TAF12: variants seen among roughly 807,000 people sequenced by gnomAD.
The protein encoded by TAF12 is transcription initiation factor TFIID subunit 12.
A neutral mutation model predicts 20.8 loss-of-function variants in TAF12; 3 were observed. That is an observed-to-expected ratio of 0.14 (90% confidence interval 0.07 to 0.37). The LOEUF is 0.37. TAF12 is among the 10% of genes least tolerant of loss of function. The pLI is 1.00. For synonymous variants in TAF12, 69 were observed against 70.2 expected (o/e 0.98, Z 0.09); for missense variants, 131 against 197.9 (o/e 0.66, Z 2.03).
At chr1:28,615,875 A>G (rs1235953297) in intron 3 of TAF12, among the ~76,000 whole-genome samples, 1 of 152,134 alleles carries the variant, frequency 6.6e-6, no homozygotes, top group Non-Finnish European at 1.5e-5. Flanking sequence ...GTGGTCTGCT[A>G]GAGTGAACCG....
At chr1:28,643,668 G>C (rs965685881), upstream of TAF12, among the ~76,000 whole-genome samples, 1 of 152,220 alleles carries the variant, frequency 6.6e-6, no homozygotes, top group African/African-American at 2.4e-5. Context: ...GCTAATAAGT[G>C]CAGAGCCTCA....
chr1:28,614,870 C>T (rs1219492198), intron 3 of TAF12, among the ~76,000 whole-genome samples: 2 of 152,052 alleles, frequency 1.3e-5, no homozygotes, highest in Non-Finnish European at 2.9e-5. Flanking sequence ...TTCGGGAGGC[C>T]GAGGCAGATG....
chr1:28,644,712 A>G (rs1346424409), upstream of TAF12, among the ~76,000 whole-genome samples: 2 of 152,242 alleles, frequency 1.3e-5, no homozygotes, highest in Non-Finnish European at 2.9e-5. Flanking sequence ...GGTCTTCAGT[A>G]AGGAAAACAC....
intron 1 of TAF12, among the ~76,000 whole-genome samples, chr1:28,626,647 G>A (rs1667406488): frequency 6.6e-6 from 1 of 151,266 alleles, no homozygotes; most frequent in South Asian, 2.1e-4. Flanking sequence ...TGTGGCTCAC[G>A]CTTGTAATCT....
intron 1 of TAF12, among the ~76,000 whole-genome samples, chr1:28,629,587 C>T (rs567461295): frequency 2.0e-5 from 3 of 152,240 alleles, no homozygotes; most frequent in Non-Finnish European, 4.4e-5. Flanking sequence ...CCACCCACCT[C>T]GGCCTCCCAT....
chr1:28,635,213 G>A (rs1210622433), intron 1 of TAF12, among the ~76,000 whole-genome samples: 4 of 144,934 alleles, frequency 2.8e-5, no homozygotes, highest in African/African-American at 1.0e-4. Context: ...CTGGGCGACA[G>A]AGCAAGACTC....
At chr1:28,628,794 C>T (rs1667524425) in intron 1 of TAF12, among the ~76,000 whole-genome samples, 2 of 152,136 alleles carry the variant, frequency 1.3e-5, no homozygotes, top group Admixed American at 6.5e-5. Context: ...CATGTATTGC[C>T]GGATGCGGTG....
chr1:28,634,031 C>G (rs1187131767), intron 1 of TAF12, among the ~76,000 whole-genome samples: 1 of 151,074 alleles, frequency 6.6e-6, no homozygotes, highest in Non-Finnish European at 1.5e-5. Context: ...TGCAGTTAGC[C>G]GAGATTGCGC....
intron 1 of TAF12, among the ~76,000 whole-genome samples, chr1:28,638,567 C>T (rs1178573318): frequency 6.6e-6 from 1 of 151,008 alleles, no homozygotes. Context: ...CTCACTGCAG[C>T]CTCTGCCTCC....
At chr1:28,623,939 T>C (rs1667301679) in intron 1 of TAF12, 1 of 985,520 alleles carries the variant, frequency 1.0e-6, no homozygotes, top group Non-Finnish European at 1.2e-6. Flanking sequence ...GCCTCAAACT[T>C]ACTTACAGCT....
Position 28,603,548 on chromosome 1 carries a change from G to A in TAF12, c.477C>T (p.Thr159=), listed in dbSNP as rs770684835. The change falls in exon 6 of 6, where the codon ACC becomes ACT. Residue 159 remains threonine, a synonymous_variant. Coordinates refer to ENST00000373824, the MANE Select transcript of TAF12 (RefSeq NM_005644.4). ...KQRMALIRKT[T]KK is the part of the protein sequence containing the mutation. Reference sequence around the variant, plus strand: ...CTGACCTTTCCGTGTGTTATTTCTTGGTTGTTTTCCGGATCAATGCCATTC... The same window carrying A: ...CTGACCTTTCCGTGTGTTATTTCTTAGTTGTTTTCCGGATCAATGCCATTC... 5.6e-6 allele frequency: 9 copies of A among 1,613,728 alleles called. No homozygotes were observed. Among genetic ancestry groups the A allele is most frequent in the Non-Finnish European group, 7.6e-6 (9 of 1,180,010 alleles).
chr1:28,629,700 G>A (rs186416247), intron 1 of TAF12, among the ~76,000 whole-genome samples: 2 of 152,128 alleles, frequency 1.3e-5, no homozygotes, highest in Admixed American at 6.6e-5. Context: ...GAGTGCAGTG[G>A]TGAAATCACA....
At chr1:28,630,322 C>T (rs1055258437) in intron 1 of TAF12, among the ~76,000 whole-genome samples, 2 of 152,048 alleles carry the variant, frequency 1.3e-5, no homozygotes, top group Admixed American at 6.6e-5. Flanking sequence ...CTTTGGAGGC[C>T]GAGGCGGGCA....
chr1:28,615,488 G>A (rs139834425), intron 3 of TAF12, among the ~76,000 whole-genome samples: 174 of 152,066 alleles, frequency 1.1e-3, no homozygotes, highest in Middle Eastern at 6.8e-3. Context: ...AGACTAGCTT[G>A]ACCAATATGG....
Position 28,638,437 on chromosome 1 carries a change from C to T in TAF12, c.-85+4555G>A, listed in dbSNP as rs187655692. 6.6e-3 allele frequency among the ~76,000 whole-genome samples: 1,003 copies of T among 151,302 alleles called. 9 individuals carry two copies. The highest frequency in any genetic ancestry group is 0.023 in the African/African-American group (944 of 41,132). On this transcript the variant is annotated intron_variant, in intron 1 of 5. Transcript: ENST00000373824. ...CTCCCAACCTCAGGTGATCCGCCCA[C>T]CTCGGCCTCCCAAAGTGCTGGGATT...
At chr1:28,627,550 G>A (rs1416602610) in intron 1 of TAF12, among the ~76,000 whole-genome samples, 3 of 151,328 alleles carry the variant, frequency 2.0e-5, no homozygotes, top group Non-Finnish European at 2.9e-5. Context: ...AAAATTAGCT[G>A]GGCGTGGTGG....
chr1:28,624,811 C>A (rs1267361842), intron 1 of TAF12, among the ~76,000 whole-genome samples: 2 of 151,876 alleles, frequency 1.3e-5, no homozygotes, highest in African/African-American at 4.8e-5. Flanking sequence ...TCCTGGTTTA[C>A]GCTTAATAAA....
upstream of TAF12, chr1:28,646,378 T>C (rs1391274653): frequency 2.0e-5 from 3 of 152,210 alleles, no homozygotes; most frequent in Non-Finnish European, 4.4e-5. Flanking sequence ...CACATCTGCT[T>C]CCTATTACAA....
chr1:28,613,006 A>AG (rs1557459642), intron 4 of TAF12, among the ~76,000 whole-genome samples: 1 of 152,230 alleles, frequency 6.6e-6, no homozygotes, highest in Non-Finnish European at 1.5e-5. Flanking sequence ...GATACTAGGT[A>AG]GGAAAAATAG....
Sources: gnomAD v4.1 joint callset for allele counts (sites outside exome capture counted in the v4.1 genomes callset) on GRCh38, gnomAD v4.1.1 for gene constraint, MANE v1.5 for transcripts, NCBI Gene and HGNC (gene_info 2026-07-23, HGNC 2026-07-21) for gene names.